Variants in NKAIN2 observed in about 807,000 individuals in gnomAD.
The protein encoded by NKAIN2 is sodium/potassium transporting ATPase interacting 2.
In NKAIN2, 14 loss-of-function variants were observed where a neutral mutation model predicts 32.6. That is an observed-to-expected ratio of 0.43 (90% CI 0.28 to 0.67). The LOEUF (loss-of-function observed/expected upper bound fraction) is 0.67, where lower values mean the gene tolerates loss of function less well. NKAIN2 is among the 30% of genes least tolerant of loss of function. NKAIN2 has a pLI of 0.17. For synonymous variants in NKAIN2, 80 were observed against 87.2 expected (o/e 0.92, Z 0.46); for missense variants, 198 against 258.3 (o/e 0.77, Z 1.60).
At chr6:124,609,982 T>C (rs989813922) in intron 3 of NKAIN2, among the ~76,000 whole-genome samples, 1 of 152,154 alleles carries the variant, frequency 6.6e-6, no homozygotes, top group Non-Finnish European at 1.5e-5. Context: ...ATACAGTTCA[T>C]TGGAGAGTTG....
chr6:124,124,833 G>A (rs973334075), intron 1 of NKAIN2, among the ~76,000 whole-genome samples: 1 of 152,140 alleles, frequency 6.6e-6, no homozygotes, highest in African/African-American at 2.4e-5. Context: ...TCATCATTGT[G>A]TGCAGTTGGC....
intron 3 of NKAIN2, among the ~76,000 whole-genome samples, chr6:124,392,545 T>C (rs1422264755): frequency 6.6e-6 from 1 of 152,110 alleles, no homozygotes; most frequent in Non-Finnish European, 1.5e-5. Flanking sequence ...TGCGCTTGTG[T>C]GTATTTGCCC....
chr6:124,409,888 T>C (rs546994191), intron 3 of NKAIN2, among the ~76,000 whole-genome samples: 2 of 152,336 alleles, frequency 1.3e-5, no homozygotes, highest in Non-Finnish European at 2.9e-5. Context: ...ACTGGTCTAT[T>C]CAGAGATTCA....
intron 4 of NKAIN2, among the ~76,000 whole-genome samples, chr6:124,659,491 G>T (rs998712021): frequency 7.6e-6 from 1 of 131,638 alleles, no homozygotes; most frequent in Non-Finnish European, 1.8e-5. Flanking sequence ...TTAATGGAAT[G>T]TGTGTGCTTA....
At position 124,106,231 on chromosome 6, in the gene NKAIN2, C is replaced by T. The variant is rs906365930; in HGVS notation, c.55-176774C>T. 9.2e-5 allele frequency among the ~76,000 whole-genome samples: 14 copies of T among 152,270 alleles called. 1 individual carries two copies. The South Asian group carries it at 2.5e-3, about 27-fold the overall frequency. On this transcript the variant is annotated intron_variant, in intron 1 of 6. Coordinates refer to ENST00000368417, the MANE Select transcript of NKAIN2 (RefSeq NM_001040214.3). The stretch of plus-strand genomic sequence containing the variant: ...ACTACATAGTGCTTGTGAAGAGTTA[C>T]AGTGACACTAGTTAACATGACTGAG...
intron 4 of NKAIN2, among the ~76,000 whole-genome samples, chr6:124,765,369 G>T (rs1342603112): frequency 1.3e-5 from 2 of 152,196 alleles, no homozygotes; most frequent in Non-Finnish European, 2.9e-5. Flanking sequence ...TTTACAGAGA[G>T]ACCTCAACAA....
intron 1 of NKAIN2, among the ~76,000 whole-genome samples, chr6:124,207,090 A>C (rs1394162276): frequency 6.6e-6 from 1 of 151,562 alleles, no homozygotes; most frequent in Admixed American, 6.6e-5. Flanking sequence ...GTGCCCAGTA[A>C]GTGTTTTCTG....
At chr6:124,382,296 A>G (rs555049973) in intron 3 of NKAIN2, among the ~76,000 whole-genome samples, 1 of 152,220 alleles carries the variant, frequency 6.6e-6, no homozygotes, top group South Asian at 2.1e-4. Context: ...GGAGAAATTG[A>G]TTTATGAACA....
At chr6:124,598,914 A>T (rs1278455571) in intron 3 of NKAIN2, among the ~76,000 whole-genome samples, 1 of 151,954 alleles carries the variant, frequency 6.6e-6, no homozygotes, top group African/African-American at 2.4e-5. Context: ...TAGAGCCCCT[A>T]CCTCATCTTT....
At chr6:124,563,029 C>T (rs752159619) in intron 3 of NKAIN2, among the ~76,000 whole-genome samples, 2 of 151,614 alleles carry the variant, frequency 1.3e-5, no homozygotes, top group African/African-American at 4.9e-5. Flanking sequence ...CTCAGCCTCC[C>T]GAGTAGCTGG....
chr6:124,328,954 C>A (rs1030574629), intron 2 of NKAIN2, among the ~76,000 whole-genome samples: 30 of 152,320 alleles, frequency 2.0e-4, no homozygotes, highest in African/African-American at 5.8e-4. Context: ...AATGTCATCC[C>A]TTCTGGAAAC....
intron 1 of NKAIN2, among the ~76,000 whole-genome samples, chr6:124,254,642 C>T (rs1446762850): frequency 6.6e-6 from 1 of 152,076 alleles, no homozygotes; most frequent in East Asian, 1.9e-4. Context: ...ACTTGAAGGA[C>T]TTGGAAGTCT....
At chr6:124,367,772 G>A (rs1315541833) in intron 3 of NKAIN2, among the ~76,000 whole-genome samples, 4 of 151,880 alleles carry the variant, frequency 2.6e-5, no homozygotes, top group South Asian at 2.1e-4. Context: ...TGATAATTGC[G>A]CATAAACAAA....
At chr6:124,697,967 G>A (rs1038777058) in intron 4 of NKAIN2, among the ~76,000 whole-genome samples, 11 of 152,082 alleles carry the variant, frequency 7.2e-5, no homozygotes, top group South Asian at 2.1e-4. Context: ...GGGGTTGTAC[G>A]ATCCCTGACT....
intron 3 of NKAIN2, among the ~76,000 whole-genome samples, chr6:124,487,453 A>G (rs1042466392): frequency 1.3e-5 from 2 of 152,284 alleles, no homozygotes; most frequent in Middle Eastern, 3.4e-3. Flanking sequence ...GAACTTTAAT[A>G]TATTAACCTT....
At chr6:123,982,384 G>A (rs1778939482) in intron 1 of NKAIN2, among the ~76,000 whole-genome samples, 2 of 152,198 alleles carry the variant, frequency 1.3e-5, no homozygotes, top group African/African-American at 4.8e-5. Flanking sequence ...AAAGAAAGGT[G>A]ACTTTAGGTT....
intron 1 of NKAIN2, among the ~76,000 whole-genome samples, chr6:123,839,401 G>A (rs1774770573): frequency 6.6e-6 from 1 of 152,000 alleles, no homozygotes; most frequent in Admixed American, 6.6e-5. Flanking sequence ...ATGGAAATGT[G>A]ATTAGCAGAC....
chr6:124,499,658 T>C (rs1285353371), intron 3 of NKAIN2, among the ~76,000 whole-genome samples: 1 of 152,000 alleles, frequency 6.6e-6, no homozygotes, highest in African/African-American at 2.4e-5. Flanking sequence ...ATAAAAGAGA[T>C]TAGAAAAAAT....
intron 4 of NKAIN2, among the ~76,000 whole-genome samples, chr6:124,779,247 A>AGAGAG (rs1779131421): frequency 2.7e-5 from 2 of 75,340 alleles, no homozygotes; most frequent in African/African-American, 6.0e-5. Flanking sequence ...CCAACAAAGA[A>AGAGAG]AGAGAGAGAG....
Sources: gnomAD v4.1 joint callset for allele counts (sites outside exome capture counted in the v4.1 genomes callset) on GRCh38, gnomAD v4.1.1 for gene constraint, MANE v1.5 for transcripts, NCBI Gene and HGNC (gene_info 2026-07-23, HGNC 2026-07-21) for gene names.